PALMD: variants seen among roughly 807,000 people sequenced by gnomAD.
PALMD encodes the protein paralemmin-like protein.
Under a neutral mutation model 56.2 loss-of-function variants are expected in PALMD, and 42 were observed. That is an observed-to-expected ratio of 0.75 (90% CI 0.58 to 0.97). The LOEUF is 0.97. Among genes scored for constraint, PALMD ranks in the 50% least tolerant of loss-of-function variants. The pLI, the probability that PALMD is intolerant of heterozygous loss-of-function variation, is 0.00. For synonymous variants in PALMD, 242 were observed against 222.9 expected (o/e 1.09, Z -0.76); for missense variants, 660 against 643.8 (o/e 1.03, Z -0.27).
rs568093811 is a variant in PALMD at position 99,691,824 on chromosome 1, G to A, written c.1612+1952G>A. ...CTATTTAATATAAATAGCCCTGGTA[G>A]GCATAATAGTTAAGAATTGTTAGTC... On this transcript the variant is annotated intron_variant, in intron 7 of 7. Transcript: ENST00000263174. 3.9e-5 allele frequency among the ~76,000 whole-genome samples: 6 copies of A among 152,196 alleles called. No homozygotes were observed. The South Asian group carries it at 1.2e-3, about 32-fold the overall frequency.
chr1:99,649,688 C>A (rs1471098030), intron 1 of PALMD, among the ~76,000 whole-genome samples: 1 of 152,172 alleles, frequency 6.6e-6, no homozygotes, highest in African/African-American at 2.4e-5. Context: ...TTCTTACCCC[C>A]ATGCCTACAG....
chr1:99,686,785 A>G lies in PALMD; in HGVS notation c.361A>G (p.Ile121Val), dbSNP rs777689777. The G allele has an allele frequency of 1.5e-5, 23 of 1,539,678 alleles. No individual in the cohort carries two copies. The highest frequency in any genetic ancestry group is 1.8e-5 in the Non-Finnish European group (20 of 1,116,746). ...AATTGAGCGGACAACAGAAGACATT[A>G]TAAGAGTGAGCATTAACCAATTTTA... Reference protein sequence around the residue: ...KSIERTTEDIIRSVKVEREER... With the variant: ...KSIERTTEDIVRSVKVEREER... Residue 121 changes from isoleucine to valine, a missense_variant, in exon 4 of 8, where the codon ATA becomes GTA. Physicochemically the swap from Ile to Val is conservative, Grantham distance 29. Transcript: ENST00000263174.
At chr1:99,653,920 T>C (rs1026381674) in intron 1 of PALMD, among the ~76,000 whole-genome samples, 1 of 152,164 alleles carries the variant, frequency 6.6e-6, no homozygotes, top group Non-Finnish European at 1.5e-5. Context: ...ATCTCCAAAA[T>C]GTCAGTGTAA....
chr1:99,681,105 ATGTG>A (rs56957907), intron 3 of PALMD, among the ~76,000 whole-genome samples: 6,606 of 148,494 alleles, frequency 0.044, 195 homozygotes, highest in African/African-American at 0.077. Flanking sequence ...GTGTGTATAT[ATGTG>A]TGTGTGTGTG....
intron 3 of PALMD, among the ~76,000 whole-genome samples, chr1:99,680,257 G>A (rs776732181): frequency 5.9e-5 from 9 of 151,932 alleles, no homozygotes; most frequent in African/African-American, 1.7e-4. Flanking sequence ...ACATTATCTC[G>A]TGATGATTAA....
chr1:99,649,431 A>G (rs1652516718), intron 1 of PALMD, among the ~76,000 whole-genome samples: 1 of 152,216 alleles, frequency 6.6e-6, no homozygotes, highest in African/African-American at 2.4e-5. Flanking sequence ...CACCTTTAAC[A>G]ATACTGGAAC....
At chr1:99,656,376 T>A (rs947181316) in intron 1 of PALMD, among the ~76,000 whole-genome samples, 1 of 151,592 alleles carries the variant, frequency 6.6e-6, no homozygotes, top group Non-Finnish European at 1.5e-5. Context: ...CTCTTTTTTT[T>A]CAAAGTTACC....
chr1:99,676,408 A>C (rs1653214468), intron 3 of PALMD, among the ~76,000 whole-genome samples: 1 of 152,092 alleles, frequency 6.6e-6, no homozygotes, highest in Non-Finnish European at 1.5e-5. Context: ...AAATTTTTGT[A>C]GATGTAGGGG....
rs191945028 is a variant in PALMD at position 99,676,388 on chromosome 1, C to T, written c.251+8622C>T. Reference sequence around the variant, plus strand: ...ATTATTCTTCATCTTTTTTGATACGCACTTTTTAAAAATTTTTGTAGATGT... The same window carrying T: ...ATTATTCTTCATCTTTTTTGATACGTACTTTTTAAAAATTTTTGTAGATGT... On this transcript the variant is annotated intron_variant, in intron 3 of 7. Coordinates refer to ENST00000263174, the MANE Select transcript of PALMD (RefSeq NM_017734.5). Among the ~76,000 whole-genome samples the T allele has an allele frequency of 2.8e-4, 42 of 152,210 alleles. 1 individual carries two copies. In the East Asian group the frequency reaches 7.3e-3, roughly 27 times the overall value.
At chr1:99,652,277 C>T (rs1330963517) in intron 1 of PALMD, among the ~76,000 whole-genome samples, 1 of 152,110 alleles carries the variant, frequency 6.6e-6, no homozygotes, top group African/African-American at 2.4e-5. Flanking sequence ...TTATAAACAT[C>T]AACATCACAC....
At chr1:99,648,076 T>G (rs1191850000) in intron 1 of PALMD, among the ~76,000 whole-genome samples, 1 of 152,182 alleles carries the variant, frequency 6.6e-6, no homozygotes, top group Non-Finnish European at 1.5e-5. Context: ...TTAAAAAAAT[T>G]TTTGGATTAT....
chr1:99,668,335 A>G (rs945503240), intron 3 of PALMD: 1 of 152,444 alleles, frequency 6.6e-6, no homozygotes, highest in African/African-American at 2.4e-5. Context: ...TTTTAAGTGC[A>G]TATTGATGAC....
At chr1:99,661,525 G>A (rs12098055) in intron 1 of PALMD, among the ~76,000 whole-genome samples, 1,662 of 152,260 alleles carry the variant, frequency 0.011, 30 homozygotes, top group African/African-American at 0.038. Context: ...CAGTATCCTC[G>A]TTTTACAGAT....
At chr1:99,671,691 T>G (rs12060371) in intron 3 of PALMD, among the ~76,000 whole-genome samples, 1,631 of 152,260 alleles carry the variant, frequency 0.011, 31 homozygotes, top group African/African-American at 0.037. Flanking sequence ...TGGCTTAAAG[T>G]CTAGAATGCT....
intron 3 of PALMD, chr1:99,685,396 A>C (rs1439275153): frequency 3.3e-5 from 5 of 152,222 alleles, no homozygotes; most frequent in Non-Finnish European, 5.9e-5. Context: ...ATGGATGTGG[A>C]GGAATTTTAA....
At chr1:99,687,648 G>C (rs1376178597) in intron 6 of PALMD, among the ~76,000 whole-genome samples, 2 of 152,078 alleles carry the variant, frequency 1.3e-5, no homozygotes, top group African/African-American at 4.8e-5. Context: ...CATTAGAGCA[G>C]AGAGGAAAAC....
intron 3 of PALMD, among the ~76,000 whole-genome samples, chr1:99,671,232 G>A (rs571581681): frequency 6.6e-5 from 10 of 152,300 alleles, no homozygotes; most frequent in African/African-American, 2.2e-4. Flanking sequence ...CTATTACCGT[G>A]GAGTCCATAG....
intron 6 of PALMD, among the ~76,000 whole-genome samples, chr1:99,687,705 G>A (rs1232095067): frequency 6.6e-6 from 1 of 152,128 alleles, no homozygotes; most frequent in Non-Finnish European, 1.5e-5. Flanking sequence ...TTTGCAGATG[G>A]TAGTCATTTA....
In PALMD at chr1:99,674,607, C is replaced by CA. The variant is rs879722756; in HGVS notation, c.251+6855dup. ...AGAAGATTCCATATAAACTCCCACC[C>CA]AAAAAAAAAAAAAATTTGTTTTTCT... On this transcript the variant is annotated intron_variant, in intron 3 of 7. Coordinates refer to ENST00000263174, the MANE Select transcript of PALMD (RefSeq NM_017734.5). Among the ~76,000 whole-genome samples the CA allele has an allele frequency of 9.6e-3, 1,350 of 140,866 alleles. 16 individuals are homozygous for CA. The highest frequency in any genetic ancestry group is 0.035 in the Admixed American group (491 of 14,202). The allele number at this position is 140,866 out of a possible 152,430, so 92.4% of individuals were successfully genotyped here.
Sources: gnomAD v4.1 joint callset for allele counts (sites outside exome capture counted in the v4.1 genomes callset) on GRCh38, gnomAD v4.1.1 for gene constraint, MANE v1.5 for transcripts, NCBI Gene and HGNC (gene_info 2026-07-23, HGNC 2026-07-21) for gene names.